The following ETV6 variants were observed in gnomAD, a reference collection of about 807,000 sequenced individuals.
The protein encoded by ETV6 is transcription factor ETV6.
In ETV6, 16 loss-of-function variants were observed where a neutral mutation model predicts 51.1. The ratio of observed to expected loss-of-function variants is 0.31; its 90% CI spans 0.21 to 0.48. The LOEUF (loss-of-function observed/expected upper bound fraction) is 0.48, where lower values mean the gene tolerates loss of function less well. Among genes scored for constraint, ETV6 ranks in the 20% least tolerant of loss-of-function variants. ETV6 has a pLI of 0.99. For synonymous variants in ETV6, 240 were observed against 224.1 expected (o/e 1.07, Z -0.64); for missense variants, 458 against 594.8 (o/e 0.77, Z 2.39).
At chr12:11,711,900 A>G (rs1865180262) in intron 1 of ETV6, among the ~76,000 whole-genome samples, 1 of 152,168 alleles carries the variant, frequency 6.6e-6, no homozygotes, top group Admixed American at 6.5e-5. Flanking sequence ...GAATTGCATC[A>G]CTGAATCACT....
intron 1 of ETV6, among the ~76,000 whole-genome samples, chr12:11,746,777 GCTCT>G (rs1555122799): frequency 7.4e-6 from 1 of 135,332 alleles, no homozygotes; most frequent in African/African-American, 2.7e-5. Flanking sequence ...TATTGCTAAT[GCTCT>G]CTCTCTCTCT....
chr12:11,835,307 C>T (rs941366132), intron 2 of ETV6, among the ~76,000 whole-genome samples: 1 of 152,218 alleles, frequency 6.6e-6, no homozygotes, highest in Non-Finnish European at 1.5e-5. Context: ...GCACGCTATG[C>T]GCACAGGGAA....
chr12:11,746,502 A>G (rs183800706), intron 1 of ETV6, among the ~76,000 whole-genome samples: 14 of 152,256 alleles, frequency 9.2e-5, no homozygotes, highest in Admixed American at 6.5e-4. Flanking sequence ...CAGTGACTGT[A>G]TTTTCCAGCT....
At chr12:11,741,218 A>G (rs931395559) in intron 1 of ETV6, among the ~76,000 whole-genome samples, 3 of 152,190 alleles carry the variant, frequency 2.0e-5, no homozygotes, top group Non-Finnish European at 4.4e-5. Flanking sequence ...AATGTGTCCC[A>G]CTGGCCCCTT....
chr12:11,813,681 C>A (rs1035136762), intron 2 of ETV6, among the ~76,000 whole-genome samples: 1 of 151,954 alleles, frequency 6.6e-6, no homozygotes. Context: ...TAAATCCAGC[C>A]CAAATTCCTT....
In ETV6 at chr12:11,790,939, C is replaced by G. The variant is rs187292771; in HGVS notation, c.163+38360C>G. ...CAAGTGATCTGCCCACCTTGGCCTCCCAAAGTGCTGGGATTGCAGCTGTGA... is the reference window on the plus strand; with the variant it reads ...CAAGTGATCTGCCCACCTTGGCCTCGCAAAGTGCTGGGATTGCAGCTGTGA... On this transcript the variant is annotated intron_variant, in intron 2 of 7. Coordinates refer to ENST00000396373, the MANE Select transcript of ETV6 (RefSeq NM_001987.5). Among the ~76,000 whole-genome samples, 173 of 152,186 alleles carry G rather than the reference C, an allele frequency of 1.1e-3. 3 individuals are homozygous for G. Among genetic ancestry groups the G allele is most frequent in the Non-Finnish European group, 8.4e-4 (57 of 67,998 alleles).
At chr12:11,744,088 G>A (rs1381737577) in intron 1 of ETV6, among the ~76,000 whole-genome samples, 1 of 152,252 alleles carries the variant, frequency 6.6e-6, no homozygotes, top group Non-Finnish European at 1.5e-5. Flanking sequence ...CCCACCCCAG[G>A]TCCACTGTGA....
At chr12:11,844,547 C>G (rs994610528) in intron 3 of ETV6, among the ~76,000 whole-genome samples, 7 of 152,074 alleles carry the variant, frequency 4.6e-5, no homozygotes, top group African/African-American at 1.7e-4. Context: ...TTTCTTGAAT[C>G]AAAATTGGCC....
chr12:11,873,302 GTTTC>G (rs1946913158), intron 5 of ETV6, among the ~76,000 whole-genome samples: 1 of 152,086 alleles, frequency 6.6e-6, no homozygotes, highest in Admixed American at 6.6e-5. Flanking sequence ...AAGCACCTTT[GTTTC>G]TTTGAGGATA....
In ETV6 at chr12:11,891,442, A is replaced by G. The variant is rs935879164; in HGVS notation, c.*396A>G. On this transcript the variant is annotated 3_prime_UTR_variant, in exon 8 of 8. Transcript: ENST00000396373. ...GGAAGACATCTGATGTTGTTTTCCT[A>G]TGGAAATATATATCTATTATATATA... The G allele has an allele frequency of 2.7e-5, 10 of 375,476 alleles. No individual in the cohort carries two copies. Among genetic ancestry groups the G allele is most frequent in the East Asian group, 4.9e-5 (1 of 20,548 alleles). The allele number at this position is 375,476 out of a possible 1,614,324, so 23.3% of individuals were successfully genotyped here.
intron 4 of ETV6, among the ~76,000 whole-genome samples, chr12:11,859,746 G>T (rs1946686328): frequency 6.6e-6 from 1 of 152,180 alleles, no homozygotes; most frequent in South Asian, 2.1e-4. Flanking sequence ...TATTTGTAGT[G>T]TAGGCGCCCT....
At chr12:11,777,504 G>A (rs765174026) in intron 2 of ETV6, among the ~76,000 whole-genome samples, 8 of 151,570 alleles carry the variant, frequency 5.3e-5, no homozygotes, top group African/African-American at 9.7e-5. Flanking sequence ...CCATCAGGGC[G>A]TAGTGGGTCA....
chr12:11,711,964 C>T (rs1346441942), intron 1 of ETV6, among the ~76,000 whole-genome samples: 1 of 152,206 alleles, frequency 6.6e-6, no homozygotes, highest in Non-Finnish European at 1.5e-5. Flanking sequence ...CTCCAGCAAA[C>T]TCCAGCCTTT....
intron 1 of ETV6, among the ~76,000 whole-genome samples, chr12:11,736,182 T>C (rs142132574): frequency 4.6e-5 from 7 of 152,338 alleles, no homozygotes; most frequent in African/African-American, 9.6e-5. Context: ...CAGGCACATA[T>C]TTGCTGAATG....
chr12:11,784,647 G>A (rs541883626), intron 2 of ETV6, among the ~76,000 whole-genome samples: 5 of 151,114 alleles, frequency 3.3e-5, no homozygotes, highest in African/African-American at 7.3e-5. Context: ...AGCGGAGTTC[G>A]GAAACAGGAG....
At chr12:11,668,443 A>G (rs1392746143) in intron 1 of ETV6, among the ~76,000 whole-genome samples, 3 of 151,602 alleles carry the variant, frequency 2.0e-5, no homozygotes, top group Non-Finnish European at 4.4e-5. Context: ...ACAAAAGGAT[A>G]TGCCGTTATA....
intron 1 of ETV6, among the ~76,000 whole-genome samples, chr12:11,744,936 G>C (rs550276523): frequency 6.6e-6 from 1 of 151,938 alleles, no homozygotes; most frequent in East Asian, 1.9e-4. Context: ...GAATTTCATG[G>C]CATGTCAAGA....
intron 1 of ETV6, among the ~76,000 whole-genome samples, chr12:11,671,948 A>C (rs1231359987): frequency 6.6e-6 from 1 of 151,908 alleles, no homozygotes; most frequent in African/African-American, 2.4e-5. Flanking sequence ...TGAAAAAAAA[A>C]AACACAAATC....
chr12:11,694,723 C>T (rs2120811400), intron 1 of ETV6, among the ~76,000 whole-genome samples: 1 of 152,330 alleles, frequency 6.6e-6, no homozygotes, highest in South Asian at 2.1e-4. Context: ...AAGTCGTAAT[C>T]ATTTATCCAC....
Sources: gnomAD v4.1 joint callset for allele counts (sites outside exome capture counted in the v4.1 genomes callset) on GRCh38, gnomAD v4.1.1 for gene constraint, MANE v1.5 for transcripts, NCBI Gene and HGNC (gene_info 2026-07-23, HGNC 2026-07-21) for gene names.